Variants in BAZ2A observed in about 807,000 individuals in gnomAD.
BAZ2A encodes bromodomain adjacent to zinc finger domain 2A, also known as bromodomain adjacent to zinc finger domain protein 2A.
In BAZ2A, 34 loss-of-function variants were observed where a neutral mutation model predicts 199.9. The ratio of observed to expected loss-of-function variants is 0.17; its 90% CI spans 0.13 to 0.23. The LOEUF is 0.23. BAZ2A is among the 10% of genes least tolerant of loss of function. The pLI is 1.00. For missense variants in BAZ2A, 2,002 were observed against 2,391.1 expected (o/e 0.84, Z 3.39); for synonymous variants, 857 against 883.9 (o/e 0.97, Z 0.54).
chr12:56,613,239 T>C lies in BAZ2A; in HGVS notation c.917-6A>G, dbSNP rs2137033264. On this transcript the variant is annotated splice_region_variant and splice_polypyrimidine_tract_variant and intron_variant, in intron 4 of 28. Coordinates refer to ENST00000549884, the MANE Select transcript of BAZ2A (RefSeq NM_001300905.2). ...TAGTCCTCCACTCACTGGCTCTGTT[T>C]ACAAGGGTAGAAAAATCAGAGCAGG... 6.2e-7 allele frequency: 1 copy of C among 1,612,426 alleles called. No homozygotes were observed. Among genetic ancestry groups the C allele is most frequent in the Non-Finnish European group, 8.5e-7 (1 of 1,178,554 alleles).
Position 56,610,473 on chromosome 12 carries a change from T to A in BAZ2A, c.1715A>T (p.Gln572Leu). 1 of 1,613,760 alleles carries A rather than the reference T, an allele frequency of 6.2e-7. No individual in the cohort carries two copies. The highest frequency in any genetic ancestry group is 8.5e-7 in the Non-Finnish European group (1 of 1,179,780). ...VRIKKGSHRW[Q>L]GETWYYGPCG... is the part of the protein sequence containing the mutation. ...GGGGCCATAATACCAGGTCTCCCCCTGCCATCGGTGGCTGCCCTTCTTGAT... is the reference window on the plus strand; with the variant it reads ...GGGGCCATAATACCAGGTCTCCCCCAGCCATCGGTGGCTGCCCTTCTTGAT... Residue 572 changes from glutamine (Q) to leucine (L), a missense_variant, in exon 8 of 29, where the codon CAG becomes CTG. Coordinates refer to ENST00000549884, the MANE Select transcript of BAZ2A (RefSeq NM_001300905.2).
chr12:56,612,155 T>C lies in BAZ2A; in HGVS notation c.1227A>G (p.Pro409=). 1 of 1,613,932 alleles carries C rather than the reference T, an allele frequency of 6.2e-7. No individual in the cohort carries two copies. The highest frequency in any genetic ancestry group is 2.2e-5 in the East Asian group (1 of 44,878). ...GAATAGTGGATGACTGATCAGGAGC[T>C]GGCTGGGTCAGGGATGGTGGGAAGT... The part of the protein sequence containing the change: ...SSDFPPSLTQ[P]APDQSSTIQL... The change falls in exon 6 of 29, where the codon CCA becomes CCG. Residue 409 remains proline (P), a synonymous_variant. Transcript: ENST00000549884.
chr12:56,631,365 C>T (rs1951306183), upstream of BAZ2A, among the ~76,000 whole-genome samples: 1 of 150,330 alleles, frequency 6.7e-6, no homozygotes. Context: ...GCAAGAGAAT[C>T]GCTTGAACCT....
At chr12:56,637,651 T>C (rs1426752361), upstream of BAZ2A, among the ~76,000 whole-genome samples, 2 of 152,160 alleles carry the variant, frequency 1.3e-5, no homozygotes, top group Non-Finnish European at 2.9e-5. Context: ...ATTTAATTCA[T>C]TAAACTCAGA....
At chr12:56,606,104 T>A (rs766103721) in intron 12 of BAZ2A, 41 bp from the exon 13 acceptor site, 2 of 1,549,708 alleles carry the variant, frequency 1.3e-6, no homozygotes, top group East Asian at 2.4e-5. Context: ...CATAAAGATA[T>A]CAGTCACTAT....
chr12:56,606,406 G>A, intron 11 of BAZ2A, 94 bp from the exon 12 acceptor site: 2 of 1,452,324 alleles, frequency 1.4e-6, no homozygotes, highest in South Asian at 2.3e-5. Flanking sequence ...CTGGGGAGGA[G>A]AGGTGAGAGA....
chr12:56,610,931 A>G (rs193064596), intron 7 of BAZ2A, among the ~76,000 whole-genome samples: 1 of 152,296 alleles, frequency 6.6e-6, no homozygotes, highest in East Asian at 1.9e-4. Flanking sequence ...ATTCCATGAA[A>G]AGACTCAATA....
rs1045067712 is a variant in BAZ2A at position 56,623,766 on chromosome 12, G to A, written c.-2-6234C>T. The stretch of plus-strand genomic sequence containing the variant: ...CAAACAGGACAGCGCCCCCCACAAC[G>A]AAGATATTATCTGGCCCACGTTATC... On this transcript the variant is annotated intron_variant, in intron 1 of 28. Transcript: ENST00000549884. Among the ~76,000 whole-genome samples the A allele has an allele frequency of 4.6e-5, 7 of 152,076 alleles. No individual in the cohort carries two copies. The South Asian group carries it at 6.2e-4, about 14-fold the overall frequency.
intron 15 of BAZ2A, 144 bp downstream of exon 15, chr12:56,604,441 A>T: frequency 7.8e-7 from 1 of 1,289,532 alleles, no homozygotes; most frequent in Non-Finnish European, 1.1e-6. Flanking sequence ...CAGGGAGGGC[A>T]CTGCAATTCA....
upstream of BAZ2A, chr12:56,630,358 G>A (rs546550349): frequency 6.7e-5 from 55 of 826,718 alleles, no homozygotes; most frequent in South Asian, 2.5e-3. Flanking sequence ...GAGAAGCCTC[G>A]GCCGGGAGAG....
chr12:56,605,587 A>T, intron 13 of BAZ2A: 1 of 607,090 alleles, frequency 1.6e-6, no homozygotes, highest in Admixed American at 3.3e-5. Context: ...ACACCCAGCT[A>T]ATTTTCGTAT....
chr12:56,624,628 A>C (rs1341498935), intron 1 of BAZ2A, among the ~76,000 whole-genome samples: 1 of 152,086 alleles, frequency 6.6e-6, no homozygotes, highest in African/African-American at 2.4e-5. Context: ...AAAAAAAAAA[A>C]AAAAAACTCA....
intron 23 of BAZ2A, 34 bp downstream of exon 23, chr12:56,600,647 C>T: frequency 6.2e-7 from 1 of 1,602,760 alleles, no homozygotes; most frequent in Non-Finnish European, 8.5e-7. Context: ...ATGCTTTTCC[C>T]CAACCTTCCT....
In BAZ2A at chr12:56,599,191, G is replaced by C. The variant is rs771409057; in HGVS notation, c.5340C>G (p.Leu1780=). The change falls in exon 27 of 29, where the codon CTC becomes CTG. Residue 1780 remains leucine (L), a synonymous_variant. Transcript: ENST00000549884. The part of the protein sequence containing the change: ...AAGPRYSEEG[L]SPSKRRRLSM... ...AGAGTCGCCGCCGCTTGGAGGGGGA[G>C]AGCCCTTCTTCCGAGTACCGAGGCC... is the stretch of plus-strand genomic sequence containing the variant. 2.5e-6 allele frequency: 4 copies of C among 1,613,274 alleles called. No individual in the cohort carries two copies. Among genetic ancestry groups the C allele is most frequent in the South Asian group, 1.1e-5 (1 of 90,944 alleles).
intron 10 of BAZ2A, 36 bp from the exon 11 acceptor site, chr12:56,606,769 C>A (rs1250925762): frequency 6.4e-7 from 1 of 1,566,480 alleles, no homozygotes; most frequent in South Asian, 1.1e-5. Context: ...ACAAGTGAGG[C>A]AGGAAGGCAG....
chr12:56,618,642 G>T (rs11171909), intron 1 of BAZ2A, among the ~76,000 whole-genome samples: 17,368 of 152,110 alleles, frequency 0.11, 2,783 homozygotes, highest in African/African-American at 0.36. Flanking sequence ...GGCCAGGTAC[G>T]GTGGCTCACC....
chr12:56,599,938 C>CT, intron 25 of BAZ2A, 26 bp downstream of exon 25: 1 of 1,613,456 alleles, frequency 6.2e-7, no homozygotes, highest in Non-Finnish European at 8.5e-7. Context: ...GCCCCTCAGC[C>CT]TCTCCAGGCT....
chr12:56,609,746 C>T lies in BAZ2A; in HGVS notation c.2082G>A (p.Leu694=). The change falls in exon 10 of 29, where the codon CTG becomes CTA. Residue 694 remains leucine (L), a synonymous_variant. Coordinates refer to ENST00000549884, the MANE Select transcript of BAZ2A (RefSeq NM_001300905.2). ...GAAATACCACTGTACCTTGGGCCTC[C>T]AGTTTCTTTAGGGGGCGGTTGTCTG... is the stretch of plus-strand genomic sequence containing the variant. ...NKTDNRPLKK[L]EAQETLNEED... 3 of 1,613,728 alleles carry T rather than the reference C, an allele frequency of 1.9e-6. No individual in the cohort carries two copies. The highest frequency in any genetic ancestry group is 4.5e-5 in the East Asian group (2 of 44,890).
chr12:56,612,106 C>T lies in BAZ2A; in HGVS notation c.1276G>A (p.Ala426Thr). ...TIQLHPATSP[A>T]VSPTTSPAVS... is the part of the protein sequence containing the mutation. ...GCTGGGGAGGTTGTTGGCGAGACTG[C>T]TGGTGAGGTTGCTGGATGTAGCTGA... Residue 426 changes from alanine to threonine, a missense_variant, in exon 6 of 29, where the codon GCA becomes ACA. By Grantham distance (58) the Ala-to-Thr change is moderately conservative (BLOSUM62 0). Transcript: ENST00000549884. The T allele has an allele frequency of 6.2e-7, 1 of 1,613,764 alleles. No individual in the cohort carries two copies. The highest frequency in any genetic ancestry group is 8.5e-7 in the Non-Finnish European group (1 of 1,179,846).
Sources: gnomAD v4.1 joint callset for allele counts (sites outside exome capture counted in the v4.1 genomes callset) on GRCh38, gnomAD v4.1.1 for gene constraint, MANE v1.5 for transcripts, NCBI Gene and HGNC (gene_info 2026-07-23, HGNC 2026-07-21) for gene names.